HTR7: variants seen among roughly 807,000 people sequenced by gnomAD.
The protein encoded by HTR7 is 5-HT-7.
In HTR7, 16 loss-of-function variants were observed where a neutral mutation model predicts 34.0. The ratio of observed to expected loss-of-function variants is 0.47; its 90% CI spans 0.32 to 0.71. HTR7 has a LOEUF of 0.71. Ranked by LOEUF, HTR7 falls within the 30% of genes least tolerant of loss-of-function variation. HTR7 has a pLI of 0.04. For missense variants in HTR7, 504 were observed against 625.5 expected (o/e 0.81, Z 2.07); for synonymous variants, 265 against 260.2 (o/e 1.02, Z -0.18).
intron 1 of HTR7, among the ~76,000 whole-genome samples, chr10:90,848,872 A>G (rs1352573578): frequency 6.6e-6 from 1 of 152,172 alleles, no homozygotes; most frequent in Non-Finnish European, 1.5e-5. Context: ...GTGAACTGTA[A>G]ATTCTTAGCC....
chr10:90,760,193 A>G (rs1481782401), intron 1 of HTR7, among the ~76,000 whole-genome samples: 1 of 152,244 alleles, frequency 6.6e-6, no homozygotes, highest in Non-Finnish European at 1.5e-5. Context: ...AAAGAGGGAA[A>G]GCCTGTTGTT....
At chr10:90,755,400 T>C (rs917456113) in intron 1 of HTR7, among the ~76,000 whole-genome samples, 3 of 152,218 alleles carry the variant, frequency 2.0e-5, no homozygotes, top group African/African-American at 7.2e-5. Context: ...ACATTTTATA[T>C]AATAAACTGA....
chr10:90,842,478 C>G (rs1208632790), intron 1 of HTR7, among the ~76,000 whole-genome samples: 1 of 152,172 alleles, frequency 6.6e-6, no homozygotes, highest in South Asian at 2.1e-4. Flanking sequence ...GCTGTGTACT[C>G]CTAACCTCTA....
chr10:90,794,981 T>A (rs1452820241), intron 1 of HTR7, among the ~76,000 whole-genome samples: 1 of 152,226 alleles, frequency 6.6e-6, no homozygotes, highest in Non-Finnish European at 1.5e-5. Flanking sequence ...CTGTTATACA[T>A]GTGGTCTGTC....
At position 90,857,691 on chromosome 10, in the gene HTR7, GCC is replaced by G; in HGVS notation, c.-22_-21del. The G allele has an allele frequency of 1.3e-6, 2 of 1,489,088 alleles. No individual in the cohort carries two copies. Among genetic ancestry groups the G allele is most frequent in the Non-Finnish European group, 1.8e-6 (2 of 1,133,400 alleles). 92.2% of individuals were successfully genotyped at this position (1,489,088 alleles called of 1,614,324 possible). On this transcript the variant is annotated 5_prime_UTR_variant, in exon 1 of 4. Coordinates refer to ENST00000336152, the MANE Select transcript of HTR7 (RefSeq NM_019859.4). The surrounding 1 kb of genome is among the most constrained non-coding windows in gnomAD (Gnocchi z 6.5). ...CATCATCGCGCCGCCGTGTGCCGCT[GCC>G]CATGGAGCCGGCGCCCCGGCCACGC... is the stretch of plus-strand genomic sequence containing the variant.
At position 90,857,156 on chromosome 10, in the gene HTR7, G is replaced by T. The variant is rs763079709; in HGVS notation, c.516C>A (p.Thr172=). The change falls in exon 1 of 4, where the codon ACC becomes ACA. Residue 172 remains threonine, a synonymous_variant. Transcript: ENST00000336152. This position sits in a 1 kb window ranked among gnomAD's most constrained non-coding sequence, Gnocchi z 6.5. The part of the protein sequence containing the change: ...DVMCCTASIM[T]LCVISIDRYL... ...ACCTGTCAATGCTGATCACGCACAGGGTCATGATCGAGGCCGTGCAGCACA... is the reference window on the plus strand; with the variant it reads ...ACCTGTCAATGCTGATCACGCACAGTGTCATGATCGAGGCCGTGCAGCACA... The T allele has an allele frequency of 6.2e-7, 1 of 1,607,284 alleles. No homozygotes were observed. Among genetic ancestry groups the T allele is most frequent in the East Asian group, 2.2e-5 (1 of 44,736 alleles).
chr10:90,798,605 C>T (rs1243715971), intron 1 of HTR7, among the ~76,000 whole-genome samples: 1 of 152,180 alleles, frequency 6.6e-6, no homozygotes, highest in Non-Finnish European at 1.5e-5. Flanking sequence ...GTCCCAGCAA[C>T]TCAGGGACCA....
intron 1 of HTR7, among the ~76,000 whole-genome samples, chr10:90,790,947 A>G (rs1845451534): frequency 6.6e-6 from 1 of 152,182 alleles, no homozygotes; most frequent in Admixed American, 6.5e-5. Context: ...AGTTTGTTAA[A>G]TCAGCCTCAT....
At chr10:90,816,858 T>G (rs77908881) in intron 1 of HTR7, among the ~76,000 whole-genome samples, 1 of 152,232 alleles carries the variant, frequency 6.6e-6, no homozygotes, top group African/African-American at 2.4e-5. Context: ...AGGGATATAA[T>G]TAATTCAGAC....
Position 90,817,865 on chromosome 10 carries a change from C to T in HTR7, c.539+39268G>A, listed in dbSNP as rs374544983. On this transcript the variant is annotated intron_variant, in intron 1 of 3. Transcript: ENST00000336152. ...AAGAATAAACAAAATATGCTATACT[C>T]ATAAAACAATCTATTCAGAAAACAA... 4.6e-5 allele frequency among the ~76,000 whole-genome samples: 7 copies of T among 152,278 alleles called. No individual in the cohort carries two copies. In the East Asian group the frequency reaches 5.8e-4, roughly 13 times the overall value.
At chr10:90,839,731 G>A (rs1846300094) in intron 1 of HTR7, among the ~76,000 whole-genome samples, 1 of 152,114 alleles carries the variant, frequency 6.6e-6, no homozygotes, top group Admixed American at 6.6e-5. Flanking sequence ...TCCTTAAGAA[G>A]TCTTCAGGCA....
chr10:90,857,261 G>C lies in HTR7; in HGVS notation c.411C>G (p.Phe137Leu). Residue 137 changes from phenylalanine to leucine, a missense_variant, in exon 1 of 4, where the codon TTC becomes TTG. Phe to Leu is a conservative substitution (Grantham distance 22, BLOSUM62 0). Coordinates refer to ENST00000336152, the MANE Select transcript of HTR7 (RefSeq NM_019859.4). This position sits in a 1 kb window ranked among gnomAD's most constrained non-coding sequence, Gnocchi z 6.5. Reference protein sequence around the residue: ...DLSVAVAVMPFVSVTDLIGGK... With the variant: ...DLSVAVAVMPLVSVTDLIGGK... ...CCCCGATGAGGTCGGTGACGCTGACGAAGGGCATGACCGCCACAGCCACCG... is the reference window on the plus strand; with the variant it reads ...CCCCGATGAGGTCGGTGACGCTGACCAAGGGCATGACCGCCACAGCCACCG... 1.2e-6 allele frequency: 2 copies of C among 1,614,112 alleles called. No homozygotes were observed. The highest frequency in any genetic ancestry group is 2.2e-5 in the East Asian group (1 of 44,882).
At chr10:90,743,493 G>T in intron 3 of HTR7, 100 bp downstream of exon 3, 1 of 948,636 alleles carries the variant, frequency 1.1e-6, no homozygotes, top group Non-Finnish European at 1.7e-6. Flanking sequence ...GAGAGACAGT[G>T]CTTTCTCCAG....
At position 90,814,093 on chromosome 10, in the gene HTR7, T is replaced by C. The variant is rs1184875550; in HGVS notation, c.539+43040A>G. Among the ~76,000 whole-genome samples the C allele has an allele frequency of 2.6e-5, 4 of 152,206 alleles. No individual in the cohort carries two copies. In the East Asian group the frequency reaches 7.7e-4, roughly 29 times the overall value. ...CCACTTCTTGTGACCACTTAATTGA[T>C]TTCCTTGGCATGAGATGACAAACCT... On this transcript the variant is annotated intron_variant, in intron 1 of 3. Transcript: ENST00000336152.
intron 1 of HTR7, among the ~76,000 whole-genome samples, chr10:90,794,292 G>C (rs1046173137): frequency 1.3e-5 from 2 of 152,104 alleles, no homozygotes; most frequent in African/African-American, 4.8e-5. Context: ...CATCTCTTGC[G>C]ATAAAAAATA....
chr10:90,804,587 ACC>A (rs1845675172), intron 1 of HTR7, among the ~76,000 whole-genome samples: 2 of 151,138 alleles, frequency 1.3e-5, no homozygotes, highest in South Asian at 4.2e-4. Flanking sequence ...ACGAGCCACC[ACC>A]CCTCCCCACT....
chr10:90,810,550 G>A (rs1845789620), intron 1 of HTR7, among the ~76,000 whole-genome samples: 1 of 152,106 alleles, frequency 6.6e-6, no homozygotes, highest in Non-Finnish European at 1.5e-5. Flanking sequence ...AGCCTTACAA[G>A]TTAGTTCAGG....
At chr10:90,759,377 C>A (rs1162607645) in intron 1 of HTR7, among the ~76,000 whole-genome samples, 1 of 151,704 alleles carries the variant, frequency 6.6e-6, no homozygotes, top group African/African-American at 2.4e-5. Flanking sequence ...AGGGAAAGGC[C>A]GGGCGCGGTG....
chr10:90,778,098 C>T (rs1313309930), intron 1 of HTR7, among the ~76,000 whole-genome samples: 1 of 152,182 alleles, frequency 6.6e-6, no homozygotes, highest in Non-Finnish European at 1.5e-5. Context: ...TCTATCCACC[C>T]AGCCATTTCA....
Sources: allele counts gnomAD v4.1 joint callset (sites outside exome capture counted in the v4.1 genomes callset), GRCh38; gene constraint gnomAD v4.1.1; non-coding constraint Gnocchi (gnomAD v3.1); transcripts MANE v1.5; gene names NCBI Gene and HGNC (gene_info 2026-07-23, HGNC 2026-07-21).